The following CHEK1 variants were observed in gnomAD, a reference collection of about 807,000 sequenced individuals.
CHEK1 encodes the protein checkpoint kinase 1.
A neutral mutation model predicts 60.2 loss-of-function variants in CHEK1; 32 were observed. The ratio of observed to expected loss-of-function variants is 0.53; its 90% CI spans 0.40 to 0.71. CHEK1 has a LOEUF of 0.71. Among genes scored for constraint, CHEK1 ranks in the 30% least tolerant of loss-of-function variants. The pLI, the probability that CHEK1 is intolerant of heterozygous loss-of-function variation, is 0.00. For synonymous variants in CHEK1, 179 were observed against 187.2 expected (o/e 0.96, Z 0.36); for missense variants, 399 against 564.6 (o/e 0.71, Z 2.97).
rs560484971 is a variant in CHEK1, at chr11:125,634,530, A to T, written c.614-899A>T. 1.6e-4 allele frequency among the ~76,000 whole-genome samples: 25 copies of T among 151,740 alleles called. No homozygotes were observed. In the South Asian group the frequency reaches 5.2e-3, roughly 32 times the overall value. On this transcript the variant is annotated intron_variant, in intron 6 of 12. Transcript: ENST00000438015. The stretch of plus-strand genomic sequence containing the variant: ...TTTTCACAGACGGTCTCTCCATGTT[A>T]CGTAGGCTGGTCTTAAACTCCTGGG...
At chr11:125,652,483 TTTGA>T (rs1941774192) in intron 11 of CHEK1, among the ~76,000 whole-genome samples, 1 of 152,214 alleles carries the variant, frequency 6.6e-6, no homozygotes, top group Non-Finnish European at 1.5e-5. Flanking sequence ...TGTTTTCATC[TTTGA>T]TTGTTTCTTC....
chr11:125,660,549 A>T (rs189598437), downstream of CHEK1, among the ~76,000 whole-genome samples: 340 of 151,920 alleles, frequency 2.2e-3, no homozygotes, highest in African/African-American at 7.5e-3. Flanking sequence ...TTTGCTTTAT[A>T]CATTTTGGGA....
At chr11:125,626,612 T>G in intron 1 of CHEK1, 137 bp from the exon 2 acceptor site, 1 of 701,114 alleles carries the variant, frequency 1.4e-6, no homozygotes, top group South Asian at 1.7e-5. Flanking sequence ...TTGAAAGACT[T>G]GGATAAATGT....
At position 125,625,527 on chromosome 11, in the gene CHEK1, G is replaced by A. The variant is rs1416332617; in HGVS notation, c.-506G>A. 1 of 517,708 alleles carries A rather than the reference G, an allele frequency of 1.9e-6. No homozygotes were observed. Among genetic ancestry groups the A allele is most frequent in the African/African-American group, 1.9e-5 (1 of 52,580 alleles). The allele number at this position is 517,708 out of a possible 1,614,324, so 32.1% of individuals were successfully genotyped here. On this transcript the variant is annotated 5_prime_UTR_variant, in exon 1 of 13. Coordinates refer to ENST00000438015, the MANE Select transcript of CHEK1 (RefSeq NM_001114122.3). ...GGTTTACAAAGCACTCTGCTTCACCGACTGTGATCCTCACAGTCCTGTCCG... is the reference window on the plus strand; with the variant it reads ...GGTTTACAAAGCACTCTGCTTCACCAACTGTGATCCTCACAGTCCTGTCCG...
chr11:125,641,393 C>T (rs1000591109), intron 8 of CHEK1, among the ~76,000 whole-genome samples: 2 of 152,094 alleles, frequency 1.3e-5, no homozygotes, highest in Non-Finnish European at 2.9e-5. Context: ...TATGGATCTC[C>T]TTTGTTTTCT....
intron 11 of CHEK1, among the ~76,000 whole-genome samples, chr11:125,650,642 TG>T (rs1941690274): frequency 6.6e-6 from 1 of 151,800 alleles, no homozygotes; most frequent in African/African-American, 2.4e-5. Context: ...TTATTAGAGA[TG>T]GGGTTTCATC....
At position 125,632,167 on chromosome 11, in the gene CHEK1, T is replaced by C. The variant is rs139650279; in HGVS notation, c.425-996T>C. ...ACACACTATTTCATGTTAGTATGTA[T>C]AGATATACCTTGTTGATTGTTTTCA... On this transcript the variant is annotated intron_variant, in intron 5 of 12. Coordinates refer to ENST00000438015, the MANE Select transcript of CHEK1 (RefSeq NM_001114122.3). 1.8e-4 allele frequency among the ~76,000 whole-genome samples: 27 copies of C among 152,332 alleles called. 1 individual carries two copies. In the East Asian group the frequency reaches 5.2e-3, roughly 29 times the overall value.
At chr11:125,640,418 G>A (rs1941245257) in intron 8 of CHEK1, among the ~76,000 whole-genome samples, 1 of 151,782 alleles carries the variant, frequency 6.6e-6, no homozygotes, top group Non-Finnish European at 1.5e-5. Flanking sequence ...GCGGTCGCCT[G>A]TAGTCCCAGC....
chr11:125,668,181 G>C (rs988149164), intron 13 of CHEK1, among the ~76,000 whole-genome samples: 12 of 152,060 alleles, frequency 7.9e-5, no homozygotes, highest in African/African-American at 2.4e-4. Context: ...AATGTCTTTT[G>C]TAAAAAAAAG....
downstream of CHEK1, chr11:125,678,056 G>A (rs1199956077): frequency 3.0e-5 from 49 of 1,614,080 alleles, no homozygotes; most frequent in African/African-American, 4.0e-5. Context: ...CAGTCGCAGC[G>A]GGCTCACCTG....
chr11:125,625,636 G>C lies in CHEK1; in HGVS notation c.-397G>C, dbSNP rs750672367. 4.0e-5 allele frequency: 24 copies of C among 595,488 alleles called. No individual in the cohort carries two copies. Among genetic ancestry groups the C allele is most frequent in the Non-Finnish European group, 6.3e-5 (21 of 332,958 alleles). 36.9% of individuals were successfully genotyped at this position (595,488 alleles called of 1,614,324 possible). A position where few individuals can be genotyped will look rare whatever the true frequency, so the allele number is the denominator to read the frequency against. On this transcript the variant is annotated 5_prime_UTR_variant, in exon 1 of 13. Coordinates refer to ENST00000438015, the MANE Select transcript of CHEK1 (RefSeq NM_001114122.3). ...CCGCAGCCCCGCCTGGAAGCGCAGC[G>C]CGGTCGGTCGCGCGCCCCTGAGGCT...
At position 125,653,793 on chromosome 11, in the gene CHEK1, A is replaced by G; in HGVS notation, c.1281A>G (p.Lys427=). Residue 427 remains lysine, a synonymous_variant, in exon 12 of 13, where the codon AAA becomes AAG. Coordinates refer to ENST00000438015, the MANE Select transcript of CHEK1 (RefSeq NM_001114122.3). This position sits in a 1 kb window ranked among gnomAD's most constrained non-coding sequence, Gnocchi z 4.3. ...TDRRNNKLIF[K]VNLLEMDDKI... ...GGAGAAACAATAAACTCATTTTCAA[A>G]GTGAATTTGTTAGAAATGGATGATA... 1 of 1,596,726 alleles carries G rather than the reference A, an allele frequency of 6.3e-7. No individual in the cohort carries two copies. The highest frequency in any genetic ancestry group is 8.6e-7 in the Non-Finnish European group (1 of 1,169,304).
At chr11:125,679,743 C>CT (rs1453072709), downstream of CHEK1, among the ~76,000 whole-genome samples, 3 of 152,134 alleles carry the variant, frequency 2.0e-5, no homozygotes, top group African/African-American at 4.8e-5. Context: ...ACTCAAAACT[C>CT]TAAGAATCTT....
intron 6 of CHEK1, among the ~76,000 whole-genome samples, chr11:125,634,530 A>G (rs560484971): frequency 6.6e-6 from 1 of 151,622 alleles, no homozygotes; most frequent in East Asian, 1.9e-4. Flanking sequence ...TCTCCATGTT[A>G]CGTAGGCTGG....
chr11:125,676,567 G>A, downstream of CHEK1: 1 of 1,488,552 alleles, frequency 6.7e-7, no homozygotes, highest in Admixed American at 1.7e-5. Flanking sequence ...TGGGCAATAG[G>A]TAGCATGGAT....
chr11:125,627,484 C>T (rs1020978043), intron 2 of CHEK1, 123 bp from the exon 3 acceptor site: 1 of 723,036 alleles, frequency 1.4e-6, no homozygotes, highest in African/African-American at 1.8e-5. Context: ...GAAACCACTT[C>T]CTTGGTTTCT....
chr11:125,676,950 C>T (rs1942540565), downstream of CHEK1, among the ~76,000 whole-genome samples: 1 of 152,144 alleles, frequency 6.6e-6, no homozygotes, highest in Non-Finnish European at 1.5e-5. Flanking sequence ...TCTCCATTTT[C>T]AAATTGACCT....
rs1026141402 is a variant in CHEK1 at position 125,657,048 on chromosome 11, A to G, written c.*1728A>G. 8 of 186,258 alleles carry G rather than the reference A, an allele frequency of 4.3e-5. No individual in the cohort carries two copies. Among genetic ancestry groups the G allele is most frequent in the Non-Finnish European group, 6.8e-5 (6 of 88,154 alleles). The allele number at this position is 186,258 out of a possible 1,614,324, so 11.5% of individuals were successfully genotyped here. The stretch of plus-strand genomic sequence containing the variant: ...TGCACAGAAAGGCATTCTGTAAATA[A>G]TAAGTTGCCTTAATTTTCCTGTAAT... On this transcript the variant is annotated 3_prime_UTR_variant, in exon 13 of 13. Transcript: ENST00000438015.
At chr11:125,665,137 G>C (rs1942076227) in intron 13 of CHEK1, among the ~76,000 whole-genome samples, 1 of 151,058 alleles carries the variant, frequency 6.6e-6, no homozygotes, top group Non-Finnish European at 1.5e-5. Context: ...TGGTCTACGT[G>C]TGTATCTGTA....
Sources: gnomAD v4.1 joint callset for allele counts (sites outside exome capture counted in the v4.1 genomes callset) on GRCh38, gnomAD v4.1.1 for gene constraint, Gnocchi (gnomAD v3.1) non-coding constraint, MANE v1.5 for transcripts, NCBI Gene and HGNC (gene_info 2026-07-23, HGNC 2026-07-21) for gene names.